MYPOP: variants seen among roughly 807,000 people sequenced by gnomAD.
The protein encoded by MYPOP is myb-related transcription factor, partner of profilin.
In MYPOP, 21 loss-of-function variants were observed where a neutral mutation model predicts 25.7. That is an observed-to-expected ratio of 0.82 (90% CI 0.58 to 1.18). MYPOP has a LOEUF of 1.18. Among genes scored for constraint, MYPOP ranks in the 50% most tolerant of loss-of-function variants. MYPOP has a pLI of 0.00. For synonymous variants in MYPOP, 280 were observed against 247.9 expected, an observed-to-expected ratio of 1.13 and a Z score of -1.22; for missense variants, 566 against 588.3, an observed-to-expected ratio of 0.96 and a Z score of 0.39.
chr19:45,895,190 GT>G (rs1967185024), intron 2 of MYPOP, among the ~76,000 whole-genome samples: 1 of 152,072 alleles, frequency 6.6e-6, no homozygotes. Context: ...TCCCTCTTGG[GT>G]TACCTGGCTG....
rs1489541360 is a variant in MYPOP, at chr19:45,901,329, C to T, written c.445G>A (p.Ala149Thr). 1.4e-6 allele frequency: 2 copies of T among 1,458,790 alleles called. No homozygotes were observed. Among genetic ancestry groups the T allele is most frequent in the African/African-American group, 1.5e-5 (1 of 68,618 alleles). 90.4% of individuals were successfully genotyped at this position (1,458,790 alleles called of 1,614,324 possible). Residue 149 changes from alanine (A) to threonine (T), a missense_variant, in exon 2 of 3, where the codon GCC becomes ACC. Physicochemically the swap from Ala to Thr is moderately conservative, Grantham distance 58 (BLOSUM62 0). Transcript: ENST00000322217. This position sits in a 1 kb window ranked among gnomAD's most constrained non-coding sequence, Gnocchi z 5.7. Reference sequence around the variant, plus strand: ...GACAACACGTAGCGCTGAGGGCAGGCGCTTGGGGGCGGCGGCTGTGAAGAG... The same window carrying T: ...GACAACACGTAGCGCTGAGGGCAGGTGCTTGGGGGCGGCGGCTGTGAAGAG... ...APSSQPPPPS[A>T]CPQRYVLSED...
At chr19:45,897,431 T>C (rs1479494536) in intron 2 of MYPOP, among the ~76,000 whole-genome samples, 2 of 152,166 alleles carry the variant, frequency 1.3e-5, no homozygotes, top group East Asian at 1.9e-4. Flanking sequence ...CAAATCTTCC[T>C]TATAAGGAAC....
In MYPOP at chr19:45,890,812, G is replaced by C. The variant is rs551936578; in HGVS notation, c.1011C>G (p.Pro337=). ...PAPKVEITPE[P]VSVVAAVVDG... The stretch of plus-strand genomic sequence containing the variant: ...CCACCACAGCAGCCACCACGGACAC[G>C]GGCTCTGGGGTGATCTCCACCTTGG... The change falls in exon 3 of 3, where the codon CCC becomes CCG. Residue 337 remains proline, a synonymous_variant. Coordinates refer to ENST00000322217, the MANE Select transcript of MYPOP (RefSeq NM_001012643.4). 1.4e-6 allele frequency: 2 copies of C among 1,468,666 alleles called. No individual in the cohort carries two copies. The highest frequency in any genetic ancestry group is 9.0e-7 in the Non-Finnish European group (1 of 1,107,116). 91.0% of individuals were successfully genotyped at this position (1,468,666 alleles called of 1,614,324 possible). A position where few individuals can be genotyped will look rare whatever the true frequency, so the allele number is the denominator to read the frequency against.
At chr19:45,894,993 G>A (rs1156279294) in intron 2 of MYPOP, among the ~76,000 whole-genome samples, 1 of 152,096 alleles carries the variant, frequency 6.6e-6, no homozygotes, top group African/African-American at 2.4e-5. Flanking sequence ...TGGGATTACA[G>A]GTGTAAGCAC....
intron 2 of MYPOP, among the ~76,000 whole-genome samples, chr19:45,892,076 C>A (rs1279610302): frequency 2.0e-5 from 3 of 151,988 alleles, no homozygotes; most frequent in Non-Finnish European, 4.4e-5. Flanking sequence ...GGCGCCACCC[C>A]GCCTGGCTAA....
chr19:45,895,788 C>T (rs1967195207), intron 2 of MYPOP, among the ~76,000 whole-genome samples: 1 of 152,108 alleles, frequency 6.6e-6, no homozygotes, highest in Admixed American at 6.6e-5. Flanking sequence ...CAGCACTTGC[C>T]CCCAACTCCG....
Position 45,901,604 on chromosome 19 carries a change from T to C in MYPOP, c.170A>G (p.Asp57Gly). The C allele has an allele frequency of 6.2e-7, 1 of 1,610,714 alleles. No homozygotes were observed. Residue 57 changes from aspartate (D) to glycine (G), a missense_variant, in exon 2 of 3, where the codon GAC (aspartate) becomes GGC (glycine). Asp to Gly is a moderately conservative substitution (Grantham distance 94). Coordinates refer to ENST00000322217, the MANE Select transcript of MYPOP (RefSeq NM_001012643.4). The surrounding 1 kb of genome is among the most constrained non-coding windows in gnomAD (Gnocchi z 5.7). ...ACCGTTGATCTTGGCGGCGATGCCGTCCCACACGCGCCGCCGCTCTGCCAC... is the reference window on the plus strand; with the variant it reads ...ACCGTTGATCTTGGCGGCGATGCCGCCCCACACGCGCCGCCGCTCTGCCAC... ...VSVAERRRVW[D>G]GIAAKINGIT... is the part of the protein sequence containing the mutation.
Position 45,890,723 on chromosome 19 carries a change from C to A in MYPOP, c.1100G>T (p.Arg367Leu). Residue 367 changes from arginine to leucine, a missense_variant, in exon 3 of 3, where the codon CGG becomes CTG. Physicochemically the swap from Arg to Leu is moderately radical, Grantham distance 102. Coordinates refer to ENST00000322217, the MANE Select transcript of MYPOP (RefSeq NM_001012643.4). ...IAPRSEEGAP[R>L]PPPAPLPPHD... The stretch of plus-strand genomic sequence containing the variant: ...CGGAGGGAGCGGGGCTGGGGGGGGC[C>A]GGGGTGCCCCCTCCTCGCTCCTTGG... The A allele has an allele frequency of 8.4e-7, 1 of 1,193,554 alleles. No homozygotes were observed. The highest frequency in any genetic ancestry group is 1.2e-6 in the Non-Finnish European group (1 of 836,830). The allele number at this position is 1,193,554 out of a possible 1,614,324, so 73.9% of individuals were successfully genotyped here.
intron 2 of MYPOP, among the ~76,000 whole-genome samples, chr19:45,900,840 A>G (rs1967277995): frequency 6.6e-6 from 1 of 152,206 alleles, no homozygotes; most frequent in East Asian, 1.9e-4. Context: ...CAACTTACCC[A>G]TATTAGCTCA....
rs756797674 is a variant in MYPOP at position 45,891,006 on chromosome 19, T to A, written c.817A>T (p.Ile273Phe). Residue 273 changes from isoleucine (I) to phenylalanine (F), a missense_variant, in exon 3 of 3, where the codon ATC (isoleucine) becomes TTC (phenylalanine). By Grantham distance (21) the Ile-to-Phe change is conservative. Transcript: ENST00000322217. ...LRAQQETANA[I>F]RELAGTLRQG... ...CGAAGGGTGCCGGCCAGCTCCCGGA[T>A]GGCGTTGGCAGTCTCCTGCTGGGCC... 7.0e-7 allele frequency: 1 copy of A among 1,434,892 alleles called. No individual in the cohort carries two copies. The highest frequency in any genetic ancestry group is 9.3e-7 in the Non-Finnish European group (1 of 1,077,518). 88.9% of individuals were successfully genotyped at this position (1,434,892 alleles called of 1,614,324 possible). A position where few individuals can be genotyped will look rare whatever the true frequency, so the allele number is the denominator to read the frequency against.
Position 45,901,280 on chromosome 19 carries a change from C to G in MYPOP, c.494G>C (p.Arg165Pro), listed in dbSNP as rs1967285324. The change falls in exon 2 of 3, where the codon CGT becomes CCT. Residue 165 changes from arginine to proline, a missense_variant. Arg to Pro is a moderately radical substitution (Grantham distance 103). Coordinates refer to ENST00000322217, the MANE Select transcript of MYPOP (RefSeq NM_001012643.4). The surrounding 1 kb of genome is among the most constrained non-coding windows in gnomAD (Gnocchi z 5.7). ...CCTACTCTGAAGACACTCACCTGCA[C>G]GTCGGTCCTCCCGGCGGTCTTCCGA... ...VLSEDRREDRRADTSAHSKAG... is the reference protein window; with the variant it reads ...VLSEDRREDRPADTSAHSKAG... 1 of 1,448,406 alleles carries G rather than the reference C, an allele frequency of 6.9e-7. No homozygotes were observed. Among genetic ancestry groups the G allele is most frequent in the African/African-American group, 1.5e-5 (1 of 67,836 alleles). 89.7% of individuals were successfully genotyped at this position (1,448,406 alleles called of 1,614,324 possible).
rs1260331613 is a variant in MYPOP, at chr19:45,901,632, T to C, written c.142A>G (p.Ser48Gly). The part of the protein sequence containing the change: ...QLYGAQSRRV[S>G]VAERRRVWDG... ...CACACGCGCCGCCGCTCTGCCACGC[T>C]CACCCGACGGCTCTGCGCGCCGTAG... is the stretch of plus-strand genomic sequence containing the variant. Residue 48 changes from serine (S) to glycine (G), a missense_variant, in exon 2 of 3, where the codon AGC becomes GGC. Coordinates refer to ENST00000322217, the MANE Select transcript of MYPOP (RefSeq NM_001012643.4). This position sits in a 1 kb window ranked among gnomAD's most constrained non-coding sequence, Gnocchi z 5.7. 6.2e-7 allele frequency: 1 copy of C among 1,610,650 alleles called. No homozygotes were observed. The highest frequency in any genetic ancestry group is 1.3e-5 in the African/African-American group (1 of 74,958).
intron 2 of MYPOP, among the ~76,000 whole-genome samples, chr19:45,898,273 G>A (rs1967235859): frequency 6.6e-6 from 1 of 151,982 alleles, no homozygotes; most frequent in Non-Finnish European, 1.5e-5. Flanking sequence ...ACTACACAGA[G>A]TGCTGGGATT....
chr19:45,891,912 GT>G (rs942306318), intron 2 of MYPOP, among the ~76,000 whole-genome samples: 6 of 152,004 alleles, frequency 3.9e-5, no homozygotes, highest in South Asian at 2.1e-4. Context: ...AGAGCCAACA[GT>G]TTTTTTATTT....
chr19:45,890,446 G>T lies in MYPOP; in HGVS notation c.*177C>A. On this transcript the variant is annotated 3_prime_UTR_variant, in exon 3 of 3. Transcript: ENST00000322217. ...CACTGTACCAGAGAAAGGGGTTGGGGGGGCCCATTACTGAGGCCCCCCCCA... is the reference window on the plus strand; with the variant it reads ...CACTGTACCAGAGAAAGGGGTTGGGTGGGCCCATTACTGAGGCCCCCCCCA... 9.8e-7 allele frequency: 1 copy of T among 1,020,724 alleles called. No individual in the cohort carries two copies. 63.2% of individuals were successfully genotyped at this position (1,020,724 alleles called of 1,614,324 possible). A position where few individuals can be genotyped will look rare whatever the true frequency, so the allele number is the denominator to read the frequency against.
rs972299390 is a variant in MYPOP at position 45,901,105 on chromosome 19, T to C, written c.499+170A>G. 1.3e-5 allele frequency among the ~76,000 whole-genome samples: 2 copies of C among 152,346 alleles called. No individual in the cohort carries two copies. Among genetic ancestry groups the C allele is most frequent in the African/African-American group, 4.8e-5 (2 of 41,580 alleles). On this transcript the variant is annotated intron_variant, in intron 2 of 2. Transcript: ENST00000322217. This position sits in a 1 kb window ranked among gnomAD's most constrained non-coding sequence, Gnocchi z 5.7. ...TCCATTCCTGGCTCTTGACAGTTACTAGCTATCGGAACTGAGGCAAGTCAT... is the reference window on the plus strand; with the variant it reads ...TCCATTCCTGGCTCTTGACAGTTACCAGCTATCGGAACTGAGGCAAGTCAT...
intron 2 of MYPOP, among the ~76,000 whole-genome samples, chr19:45,898,456 T>G (rs1162192897): frequency 1.3e-5 from 2 of 151,912 alleles, no homozygotes; most frequent in African/African-American, 2.4e-5. Flanking sequence ...CCTGAGTAGC[T>G]GGGATTACAG....
intron 2 of MYPOP, among the ~76,000 whole-genome samples, chr19:45,893,789 CT>C (rs60440195): frequency 0.045 from 6,011 of 134,768 alleles, 311 homozygotes; most frequent in African/African-American, 0.14. Context: ...TTTTATTTTA[CT>C]TTTTTTTTTT....
At chr19:45,896,159 T>C (rs1967201394) in intron 2 of MYPOP, among the ~76,000 whole-genome samples, 1 of 151,954 alleles carries the variant, frequency 6.6e-6, no homozygotes, top group South Asian at 2.1e-4. Context: ...GGTGTGGTGG[T>C]GCACGCCTGT....
Sources: allele counts gnomAD v4.1 joint callset (sites outside exome capture counted in the v4.1 genomes callset), GRCh38; gene constraint gnomAD v4.1.1; non-coding constraint Gnocchi (gnomAD v3.1); transcripts MANE v1.5; gene names NCBI Gene and HGNC (gene_info 2026-07-23, HGNC 2026-07-21).